WDR37: variants seen among roughly 807,000 people sequenced by gnomAD.
WDR37 encodes the protein WD repeat-containing protein 37.
In WDR37, 19 loss-of-function variants were observed where a neutral mutation model predicts 62.9. The observed-to-expected ratio is 0.30, with a 90% CI of 0.21 to 0.44. The LOEUF is 0.44. Ranked by LOEUF, WDR37 falls within the 20% of genes least tolerant of loss-of-function variation. The pLI is 1.00. For synonymous variants in WDR37, 250 were observed against 260.9 expected (o/e 0.96, Z 0.40); for missense variants, 474 against 657.6 (o/e 0.72, Z 3.05).
intron 5 of WDR37, among the ~76,000 whole-genome samples, chr10:1,084,044 C>T (rs756952212): frequency 5.6e-4 from 85 of 152,228 alleles, no homozygotes; most frequent in African/African-American, 1.7e-3. Context: ...GGCTAGCTAA[C>T]GATTTGTTTA....
rs571238697 is a variant in WDR37 at position 1,064,923 on chromosome 10, A to C, written c.-40-7193A>C. On this transcript the variant is annotated intron_variant, in intron 1 of 13. Coordinates refer to ENST00000263150, the MANE Select transcript of WDR37 (RefSeq NM_014023.4). ...CAGTGGATCTTATCAGAAATTGTGG[A>C]GGGCATAAGGAAGTGGCAGGACATT... Among the ~76,000 whole-genome samples the C allele has an allele frequency of 3.9e-5, 6 of 152,190 alleles. No homozygotes were observed. In the East Asian group the frequency reaches 1.2e-3, roughly 29 times the overall value.
intron 1 of WDR37, among the ~76,000 whole-genome samples, chr10:1,064,583 CTTTTTTTTT>C (rs71376884): frequency 1.8e-4 from 13 of 70,490 alleles, no homozygotes; most frequent in East Asian, 1.7e-3. Flanking sequence ...GACAATGGAT[CTTTTTTTTT>C]TTTTTTTTTT....
intron 7 of WDR37, among the ~76,000 whole-genome samples, chr10:1,091,916 C>G (rs1468240490): frequency 1.3e-5 from 2 of 152,118 alleles, no homozygotes; most frequent in Non-Finnish European, 2.9e-5. Context: ...CGCGGTGGCT[C>G]ACGCCTGTAA....
rs1176056859 is a variant in WDR37 at position 1,086,299 on chromosome 10, G to C, written c.546G>C (p.Leu182Phe). The change falls in exon 7 of 14, where the codon TTG (leucine) becomes TTC (phenylalanine). Residue 182 changes from leucine to phenylalanine, a missense_variant. Coordinates refer to ENST00000263150, the MANE Select transcript of WDR37 (RefSeq NM_014023.4). Reference protein sequence around the residue: ...LGTASADHTALLWSIETGKCL... With the variant: ...LGTASADHTAFLWSIETGKCL... ...TCCATCTTGCAGATCACACGGCTTT[G>C]CTGTGGAGCATAGAGACAGGGAAGT... 6.2e-7 allele frequency: 1 copy of C among 1,614,162 alleles called. No individual in the cohort carries two copies. Among genetic ancestry groups the C allele is most frequent in the South Asian group, 1.1e-5 (1 of 91,068 alleles).
At chr10:1,088,881 C>T (rs76431034) in intron 7 of WDR37, among the ~76,000 whole-genome samples, 6 of 152,200 alleles carry the variant, frequency 3.9e-5, no homozygotes, top group South Asian at 2.1e-4. Flanking sequence ...GGTAATAAAA[C>T]GGGGTATGCC....
chr10:1,116,898 G>C (rs1174363272), intron 11 of WDR37, among the ~76,000 whole-genome samples: 1 of 149,992 alleles, frequency 6.7e-6, no homozygotes, highest in Non-Finnish European at 1.5e-5. Flanking sequence ...GGTTCTTTCT[G>C]TGCAAAGGAG....
chr10:1,116,386 C>T (rs1395205754), intron 11 of WDR37, among the ~76,000 whole-genome samples: 1 of 152,192 alleles, frequency 6.6e-6, no homozygotes, highest in African/African-American at 2.4e-5. Flanking sequence ...GGTCTCCACC[C>T]TGTCTGTCAG....
intron 9 of WDR37, among the ~76,000 whole-genome samples, chr10:1,097,774 C>T (rs1332534913): frequency 6.6e-6 from 1 of 152,162 alleles, no homozygotes; most frequent in Non-Finnish European, 1.5e-5. Context: ...GCTTGGGCCC[C>T]ACCACCCTTT....
intron 11 of WDR37, among the ~76,000 whole-genome samples, chr10:1,118,699 A>G (rs548945711): frequency 4.6e-5 from 7 of 152,332 alleles, no homozygotes; most frequent in East Asian, 1.9e-4. Context: ...GATTTCTCCA[A>G]TGATCCCTCA....
At position 1,129,358 on chromosome 10, in the gene WDR37, C is replaced by G. The variant is rs779402046; in HGVS notation, c.*14C>G. ...CAAGAAAAATAAGGACACCGGCAGC[C>G]CTTAGTTTCACTGTTTGCCAGCACA... On this transcript the variant is annotated 3_prime_UTR_variant, in exon 14 of 14. Transcript: ENST00000263150. 7 of 1,613,674 alleles carry G rather than the reference C, an allele frequency of 4.3e-6. No homozygotes were observed. Among genetic ancestry groups the G allele is most frequent in the Non-Finnish European group, 5.9e-6 (7 of 1,179,846 alleles).
In WDR37 at chr10:1,117,286, C is replaced by T. The variant is rs373852514; in HGVS notation, c.1104-6932C>T. Among the ~76,000 whole-genome samples, 11 of 152,102 alleles carry T rather than the reference C, an allele frequency of 7.2e-5. No homozygotes were observed. The East Asian group carries it at 9.6e-4, about 13-fold the overall frequency. On this transcript the variant is annotated intron_variant, in intron 11 of 13. Coordinates refer to ENST00000263150, the MANE Select transcript of WDR37 (RefSeq NM_014023.4). ...CTTAGGCTGCTCTCGAAATCTTGGCCGCAAGTGATCCTCTTGCCTCAGCCT... is the reference window on the plus strand; with the variant it reads ...CTTAGGCTGCTCTCGAAATCTTGGCTGCAAGTGATCCTCTTGCCTCAGCCT...
chr10:1,106,610 G>A (rs1269198447), intron 11 of WDR37, among the ~76,000 whole-genome samples: 9 of 151,930 alleles, frequency 5.9e-5, no homozygotes, highest in African/African-American at 9.7e-5. Flanking sequence ...TCTGCCTCCC[G>A]GGTTCAAGCG....
At chr10:1,125,147 G>T in intron 13 of WDR37, 123 bp downstream of exon 13, 1 of 1,426,070 alleles carries the variant, frequency 7.0e-7, no homozygotes, top group South Asian at 1.5e-5. Context: ...TGCTTGAGCT[G>T]TATTTAGAGT....
At chr10:1,096,552 G>A (rs561763656) in intron 9 of WDR37, 9 of 394,878 alleles carry the variant, frequency 2.3e-5, no homozygotes, top group African/African-American at 1.2e-4. Flanking sequence ...GGATGAGCCC[G>A]CACCAGAACC....
intron 11 of WDR37, among the ~76,000 whole-genome samples, chr10:1,109,053 G>C (rs1476803905): frequency 6.6e-6 from 1 of 152,180 alleles, no homozygotes; most frequent in Non-Finnish European, 1.5e-5. Context: ...GTGGAGCCAG[G>C]GCTTGGTGAG....
At position 1,103,811 on chromosome 10, in the gene WDR37, G is replaced by A. The variant is rs142687452; in HGVS notation, c.936G>A (p.Thr312=). Residue 312 remains threonine (T), a synonymous_variant, in exon 10 of 14, where the codon ACG becomes ACA. Transcript: ENST00000263150. This position sits in a 1 kb window ranked among gnomAD's most constrained non-coding sequence, Gnocchi z 6.3. ...DRTANLYDVE[T]SELVHSLTGH... is the part of the protein sequence containing the mutation. ...CGGCAAACCTGTACGACGTGGAGAC[G>A]TCCGAGCTCGTTCACTCTCTGACAG... 4.0e-5 allele frequency: 64 copies of A among 1,614,184 alleles called. 1 individual carries two copies. In the African/African-American group the frequency reaches 4.0e-4, roughly 10 times the overall value.
chr10:1,078,857 T>C (rs1306668386), intron 3 of WDR37, among the ~76,000 whole-genome samples: 2 of 152,196 alleles, frequency 1.3e-5, no homozygotes, highest in African/African-American at 4.8e-5. Flanking sequence ...ATCAAGTCTT[T>C]CATGCTTTAT....
intron 2 of WDR37, among the ~76,000 whole-genome samples, chr10:1,074,133 T>G (rs1833799808): frequency 6.6e-6 from 1 of 152,224 alleles, no homozygotes; most frequent in South Asian, 2.1e-4. Flanking sequence ...ATTTACATAG[T>G]CAGATGTGGC....
intron 11 of WDR37, among the ~76,000 whole-genome samples, chr10:1,111,066 T>C (rs1266088748): frequency 6.6e-6 from 1 of 152,252 alleles, no homozygotes; most frequent in Non-Finnish European, 1.5e-5. Context: ...TGCATGGTGT[T>C]TTTAGTGATA....
Sources: gnomAD v4.1 joint callset for allele counts (sites outside exome capture counted in the v4.1 genomes callset) on GRCh38, gnomAD v4.1.1 for gene constraint, Gnocchi (gnomAD v3.1) non-coding constraint, MANE v1.5 for transcripts, NCBI Gene and HGNC (gene_info 2026-07-23, HGNC 2026-07-21) for gene names.